The following MYH14 variants were observed in gnomAD, a reference collection of about 807,000 sequenced individuals.
MYH14 encodes the protein myosin-14.
In MYH14, 123 loss-of-function variants were observed where a neutral mutation model predicts 255.5. That is an observed-to-expected ratio of 0.48 (90% CI 0.42 to 0.56). The LOEUF is 0.56. Among genes scored for constraint, MYH14 ranks in the 20% least tolerant of loss-of-function variants. The pLI is 0.00. For synonymous variants in MYH14, 1,095 were observed against 1,161.2 expected (o/e 0.94, Z 1.16); for missense variants, 2,423 against 2,802.3 (o/e 0.86, Z 3.06).
Position 50,286,603 on chromosome 19 carries a change from A to G in MYH14, c.4661A>G (p.Gln1554Arg). The change falls in exon 34 of 43, where the codon CAG becomes CGG. Residue 1554 changes from glutamine (Q) to arginine (R), a missense_variant. Gln to Arg is a conservative substitution (Grantham distance 43). Coordinates refer to ENST00000642316, the MANE Select transcript of MYH14 (RefSeq NM_001145809.2). ...LSLTRALEEE[Q>R]EAREELERQN... ...CTGACACGGGCACTGGAGGAGGAGC[A>G]GGAGGCACGTGAGGAGCTGGAGCGG... The G allele has an allele frequency of 1.2e-6, 2 of 1,605,128 alleles. No homozygotes were observed. The highest frequency in any genetic ancestry group is 3.3e-4 in the Middle Eastern group (2 of 6,042).
chr19:50,308,831 G>A, intron 41 of MYH14, 174 bp from the exon 42 acceptor site: 1 of 667,358 alleles, frequency 1.5e-6, no homozygotes, highest in Non-Finnish European at 2.5e-6. Flanking sequence ...TGGAGGTCAG[G>A]GTAGAGGCTG....
At chr19:50,279,700 G>A (rs766119865) in intron 30 of MYH14, among the ~76,000 whole-genome samples, 3 of 152,196 alleles carry the variant, frequency 2.0e-5, no homozygotes, top group Non-Finnish European at 4.4e-5. Flanking sequence ...AATAATGCCC[G>A]TTGTATGGAT....
At position 50,249,552 on chromosome 19, in the gene MYH14, C is replaced by T. The variant is rs1169191810; in HGVS notation, c.1483-98C>T. On this transcript the variant is annotated intron_variant, in intron 13 of 42. Coordinates refer to ENST00000642316, the MANE Select transcript of MYH14 (RefSeq NM_001145809.2). Reference sequence around the variant, plus strand: ...CTCTCTCTGGGTCTCTGTCCCCTCTCGATGCATCTCTGTCCCCTGTCTCTG... The same window carrying T: ...CTCTCTCTGGGTCTCTGTCCCCTCTTGATGCATCTCTGTCCCCTGTCTCTG... 162 of 1,447,274 alleles carry T rather than the reference C, an allele frequency of 1.1e-4. 2 individuals are homozygous for T. The highest frequency in any genetic ancestry group is 5.2e-4 in the Admixed American group (28 of 53,596). 89.7% of individuals were successfully genotyped at this position (1,447,274 alleles called of 1,614,324 possible).
chr19:50,252,094 A>G lies in MYH14; in HGVS notation c.1831-545A>G, dbSNP rs1238832033. ...GTGTCTAGCCCTCAGTTTCTTCCCC[A>G]GACATACTCCAGAACTCCCCCTGTA... On this transcript the variant is annotated intron_variant, in intron 15 of 42. Transcript: ENST00000642316. This position sits in a 1 kb window ranked among gnomAD's most constrained non-coding sequence, Gnocchi z 4.2. Among the ~76,000 whole-genome samples, 1 of 152,164 alleles carries G rather than the reference A, an allele frequency of 6.6e-6. No individual in the cohort carries two copies. The highest frequency in any genetic ancestry group is 2.4e-5 in the African/African-American group (1 of 41,440).
Position 50,244,277 on chromosome 19 carries a change from G to T in MYH14, c.1150G>T (p.Gly384Cys), listed in dbSNP as rs119103280. 6,035 of 1,613,848 alleles carry T rather than the reference G, an allele frequency of 3.7e-3. 22 individuals carry two copies. Among genetic ancestry groups the T allele is most frequent in the Middle Eastern group, 0.014 (83 of 6,062 alleles). Residue 384 changes from glycine (G) to cysteine (C), a missense_variant, in exon 11 of 43, where the codon GGC (glycine) becomes TGC (cysteine). Gly to Cys is a radical substitution (Grantham distance 159). Transcript: ENST00000642316. ...LRMVSAVLQF[G>C]NIALKRERNT... ...GATGGTCTCAGCAGTTCTCCAGTTT[G>T]GCAACATTGCCTTGAAGAGAGAACG...
intron 1 of MYH14, chr19:50,205,526 C>A (rs1224132872): frequency 6.6e-6 from 1 of 152,334 alleles, no homozygotes; most frequent in African/African-American, 2.4e-5. Flanking sequence ...GCCCTCACCC[C>A]ATCTCCCCGC....
chr19:50,222,802 G>A (rs1386456593), intron 3 of MYH14, among the ~76,000 whole-genome samples: 2 of 152,124 alleles, frequency 1.3e-5, no homozygotes, highest in African/African-American at 4.8e-5. Context: ...CGTTGAGGTC[G>A]TTGAATGAAT....
At position 50,266,930 on chromosome 19, in the gene MYH14, C is replaced by CCAGGAGCTGCAGAAAGTG; in HGVS notation, c.2757_2774dup (p.Lys921_Gln926dup). 1 of 1,554,004 alleles carries CCAGGAGCTGCAGAAAGTG rather than the reference C, an allele frequency of 6.4e-7. No homozygotes were observed. The highest frequency in any genetic ancestry group is 8.7e-7 in the Non-Finnish European group (1 of 1,148,316). The stretch of plus-strand genomic sequence containing the variant: ...AGGATGAGGTGCTGCAGGCACGGGC[C>CCAGGAGCTGCAGAAAGTG]CAGGAGCTGCAGAAAGTGCAGGAGC... On this transcript the variant is annotated inframe_insertion, in exon 23 of 43. Coordinates refer to ENST00000642316, the MANE Select transcript of MYH14 (RefSeq NM_001145809.2). The surrounding 1 kb of genome is among the most constrained non-coding windows in gnomAD (Gnocchi z 4.1).
Position 50,250,680 on chromosome 19 carries a change from G to A in MYH14, c.1822G>A (p.Ala608Thr), listed in dbSNP as rs576014205. 5.0e-6 allele frequency: 8 copies of A among 1,611,848 alleles called. No individual in the cohort carries two copies. Among genetic ancestry groups the A allele is most frequent in the Non-Finnish European group, 5.9e-6 (7 of 1,178,166 alleles). The change falls in exon 15 of 43, where the codon GCG becomes ACG. Residue 608 changes from alanine (A) to threonine (T), a missense_variant. Ala to Thr is a moderately conservative substitution (Grantham distance 58). This residue lies in a region of MYH14 where 672 missense variants were observed against 881.8 expected (regional missense o/e 0.76). Coordinates refer to ENST00000642316, the MANE Select transcript of MYH14 (RefSeq NM_001145809.2). The surrounding 1 kb of genome is among the most constrained non-coding windows in gnomAD (Gnocchi z 5.4). ...GGCCGACTTCAGTGTTCTCCACTAC[G>A]CGGGCAAGGTAGGGGCTGGGGCCGG... ...DQADFSVLHY[A>T]GKVDYKANEW...
In MYH14 at chr19:50,248,992, C is replaced by T. The variant is rs1432305866; in HGVS notation, c.1335C>T (p.Asp445=). The T allele has an allele frequency of 5.6e-6, 9 of 1,613,536 alleles. No homozygotes were observed. The highest frequency in any genetic ancestry group is 1.7e-4 in the Middle Eastern group (1 of 5,974). The stretch of plus-strand genomic sequence containing the variant: ...CCATGAGCCCTGTCCCACAGGCTGA[C>T]TTCGCGCTGGAGGCCCTGGCCAAGG... ...VQKAQTKEQA[D]FALEALAKAT... The change falls in exon 13 of 43, where the codon GAC becomes GAT. Residue 445 remains aspartate (D), a synonymous_variant. Transcript: ENST00000642316.
intron 33 of MYH14, among the ~76,000 whole-genome samples, chr19:50,283,185 TCTC>T (rs2035782649): frequency 1.3e-5 from 2 of 151,986 alleles, no homozygotes; most frequent in Non-Finnish European, 2.9e-5. Context: ...AGTGGCACGA[TCTC>T]AGCTCACTGC....
rs886054586 is a variant in MYH14 at position 50,210,357 on chromosome 19, C to T, written c.-3-6C>T. On this transcript the variant is annotated splice_polypyrimidine_tract_variant and splice_region_variant and intron_variant, in intron 1 of 42. Transcript: ENST00000642316. ...TGACCCCCACCCTCTTTCTTTGCCCCTGCAGACCATGGCAGCCGTGACCAT... is the reference window on the plus strand; with the variant it reads ...TGACCCCCACCCTCTTTCTTTGCCCTTGCAGACCATGGCAGCCGTGACCAT... 14 of 1,584,784 alleles carry T rather than the reference C, an allele frequency of 8.8e-6. No homozygotes were observed. The highest frequency in any genetic ancestry group is 1.2e-5 in the Non-Finnish European group (14 of 1,167,210).
intron 10 of MYH14, among the ~76,000 whole-genome samples, chr19:50,240,264 G>A (rs2033836543): frequency 6.6e-6 from 1 of 152,160 alleles, no homozygotes; most frequent in African/African-American, 2.4e-5. Flanking sequence ...TATGTGTGCT[G>A]CGCATATGTA....
At position 50,275,987 on chromosome 19, in the gene MYH14, C is replaced by G; in HGVS notation, c.3468-4C>G. ...ATCAACTCCACGGTTCTTGTCACCC[C>G]CAGGGCAGAAGACGAGGGTGGGGCC... On this transcript the variant is annotated splice_region_variant and splice_polypyrimidine_tract_variant and intron_variant, in intron 27 of 42. Transcript: ENST00000642316. 1.9e-6 allele frequency: 3 copies of G among 1,611,218 alleles called. No homozygotes were observed. The highest frequency in any genetic ancestry group is 2.5e-6 in the Non-Finnish European group (3 of 1,178,578).
chr19:50,251,774 C>T (rs748625919), intron 15 of MYH14, among the ~76,000 whole-genome samples: 1 of 152,080 alleles, frequency 6.6e-6, no homozygotes, highest in Non-Finnish European at 1.5e-5. Flanking sequence ...GACAGGGTTT[C>T]ACCATGTTGG....
chr19:50,251,501 AC>A (rs763951739), intron 15 of MYH14, among the ~76,000 whole-genome samples: 10,493 of 142,868 alleles, frequency 0.073, 547 homozygotes, highest in Admixed American at 0.14. Context: ...ATATATATAC[AC>A]ACATATATAT....
At chr19:50,243,558 G>T (rs1459983319) in intron 10 of MYH14, among the ~76,000 whole-genome samples, 1 of 152,192 alleles carries the variant, frequency 6.6e-6, no homozygotes, top group Non-Finnish European at 1.5e-5. Context: ...AGCCCAAGAG[G>T]TCAAGGCTGC....
chr19:50,267,227 G>T (rs1220208176), intron 23 of MYH14, among the ~76,000 whole-genome samples: 3 of 151,858 alleles, frequency 2.0e-5, no homozygotes, highest in Non-Finnish European at 1.5e-5. Context: ...CAGGGCCCTG[G>T]GGGTGTAGCC....
rs141365654 is a variant in MYH14 at position 50,301,255 on chromosome 19, G to C, written c.5470-406G>C. On this transcript the variant is annotated intron_variant, in intron 39 of 42. Transcript: ENST00000642316. ...ACTCCACTTTGGTATTGCTGAGTCA[G>C]AATCTCTGAAGGGTGAGACCCAGAT... 2.8e-3 allele frequency among the ~76,000 whole-genome samples: 423 copies of C among 152,300 alleles called. 4 individuals are homozygous for C. The Middle Eastern group carries it at 0.037, about 13-fold the overall frequency.
Sources: allele counts gnomAD v4.1 joint callset (sites outside exome capture counted in the v4.1 genomes callset), GRCh38; gene constraint gnomAD v4.1.1; regional missense constraint gnomAD v4.1.1; non-coding constraint Gnocchi (gnomAD v3.1); transcripts MANE v1.5; gene names NCBI Gene and HGNC (gene_info 2026-07-23, HGNC 2026-07-21).